Variants in ABCB11 observed in about 807,000 individuals in gnomAD.
ABCB11 encodes the protein ATP binding cassette subfamily B member 11.
Under a neutral mutation model 148.0 loss-of-function variants are expected in ABCB11, and 95 were observed. The ratio of observed to expected loss-of-function variants is 0.64; its 90% CI spans 0.54 to 0.76. ABCB11 has a LOEUF of 0.76. Ranked by LOEUF, ABCB11 falls within the 30% of genes least tolerant of loss-of-function variation. The pLI is 0.00. For synonymous variants in ABCB11, 591 were observed against 555.4 expected, an observed-to-expected ratio of 1.06 and a Z score of -0.90; for missense variants, 1,523 against 1,617.8, an observed-to-expected ratio of 0.94 and a Z score of 1.01.
chr2:169,024,083 C>A (rs969545161), intron 1 of ABCB11, among the ~76,000 whole-genome samples: 1 of 152,070 alleles, frequency 6.6e-6, no homozygotes, highest in Non-Finnish European at 1.5e-5. Context: ...AAATAGCTAA[C>A]GCATGCCGGG....
chr2:169,006,545 T>C (rs1167744702), intron 5 of ABCB11, among the ~76,000 whole-genome samples: 1 of 149,750 alleles, frequency 6.7e-6, no homozygotes, highest in African/African-American at 2.5e-5. Context: ...GCCAAAACAA[T>C]TAGGCAATAA....
intron 9 of ABCB11, 21 bp from the exon 10 acceptor site, chr2:168,986,305 A>G (rs1191339105): frequency 6.2e-7 from 1 of 1,605,690 alleles, no homozygotes; most frequent in African/African-American, 1.3e-5. Flanking sequence ...AAAATGCTTG[A>G]GTCAATTTCG....
chr2:168,931,326 T>G (rs549482337), intron 24 of ABCB11, among the ~76,000 whole-genome samples: 1 of 152,320 alleles, frequency 6.6e-6, no homozygotes, highest in South Asian at 2.1e-4. Flanking sequence ...TGCTTAAAAC[T>G]CTAACTTATA....
Position 169,013,452 on chromosome 2 carries a change from A to C in ABCB11, c.209T>G (p.Phe70Cys). 1 of 1,613,754 alleles carries C rather than the reference A, an allele frequency of 6.2e-7. No individual in the cohort carries two copies. Among genetic ancestry groups the C allele is most frequent in the South Asian group, 1.1e-5 (1 of 91,050 alleles). Reference sequence around the variant, plus strand: ...GCCTGGCTGGGCTATTCCATGGAGAAATGCACACAAACTTCCCACAAACAT... The same window carrying C: ...GCCTGGCTGGGCTATTCCATGGAGACATGCACACAAACTTCCCACAAACAT... ...WLMFVGSLCA[F>C]LHGIAQPGVL... Residue 70 changes from phenylalanine (F) to cysteine (C), a missense_variant, in exon 5 of 28, where the codon TTT (phenylalanine) becomes TGT (cysteine). Coordinates refer to ENST00000650372, the MANE Select transcript of ABCB11 (RefSeq NM_003742.4).
intron 1 of ABCB11, among the ~76,000 whole-genome samples, chr2:169,029,542 G>C (rs1695798342): frequency 6.6e-6 from 1 of 152,038 alleles, no homozygotes; most frequent in Non-Finnish European, 1.5e-5. Flanking sequence ...TTCCAGCCCT[G>C]AGGGCTATGG....
At chr2:168,985,862 G>C (rs991234390) in intron 10 of ABCB11, among the ~76,000 whole-genome samples, 1 of 151,628 alleles carries the variant, frequency 6.6e-6, no homozygotes, top group Non-Finnish European at 1.5e-5. Context: ...TTGGGTGATG[G>C]GTGCACCAAA....
intron 5 of ABCB11, among the ~76,000 whole-genome samples, chr2:169,010,061 C>T (rs1385349513): frequency 6.6e-6 from 1 of 152,082 alleles, no homozygotes; most frequent in Non-Finnish European, 1.5e-5. Flanking sequence ...AATCAGCCTC[C>T]AAAAAGCCCC....
At chr2:168,933,901 A>G (rs1264656172) in intron 23 of ABCB11, among the ~76,000 whole-genome samples, 1 of 152,110 alleles carries the variant, frequency 6.6e-6, no homozygotes, top group African/African-American at 2.4e-5. Context: ...ACAGGCACAC[A>G]TCACCATACC....
Position 168,976,586 on chromosome 2 carries a change from TG to T in ABCB11, c.1298del (p.Pro433GlnfsTer3). 1 of 1,586,428 alleles carries T rather than the reference TG, an allele frequency of 6.3e-7. No individual in the cohort carries two copies. Among genetic ancestry groups the T allele is most frequent in the Non-Finnish European group, 8.6e-7 (1 of 1,158,472 alleles). ...HNVTFHYPSR[P>X]EVKILNDLNM... ...ACAGACCAGCACTCACCTTCACCTC[TG>T]GTCTGGAAGGATAATGGAAGGTCAC... On this transcript the variant is annotated frameshift_variant, in exon 12 of 28. Coordinates refer to ENST00000650372, the MANE Select transcript of ABCB11 (RefSeq NM_003742.4). LOFTEE classifies it high-confidence loss of function.
chr2:169,014,822 T>C (rs6761690), intron 3 of ABCB11, among the ~76,000 whole-genome samples: 71,573 of 151,914 alleles, frequency 0.47, 17,666 homozygotes, highest in South Asian at 0.57. Context: ...ACACTTTTCA[T>C]AGAATCATAT....
At position 168,935,265 on chromosome 2, in the gene ABCB11, A is replaced by G. The variant is rs998321697; in HGVS notation, c.2975T>C (p.Met992Thr). Residue 992 changes from methionine (M) to threonine (T), a missense_variant, in exon 23 of 28, where the codon ATG (methionine) becomes ACG (threonine). Transcript: ENST00000650372. ...GFCFAFAQCI[M>T]FIANSASYRY... Reference sequence around the variant, plus strand: ...GTAGGAAGCAGAATTCGCAATAAACATGATGCACTGGGCAAAGGCAAAGCA... The same window carrying G: ...GTAGGAAGCAGAATTCGCAATAAACGTGATGCACTGGGCAAAGGCAAAGCA... 12 of 1,613,884 alleles carry G rather than the reference A, an allele frequency of 7.4e-6. No individual in the cohort carries two copies. The highest frequency in any genetic ancestry group is 9.3e-6 in the Non-Finnish European group (11 of 1,179,900).
At chr2:168,961,424 A>G (rs1278823022) in intron 18 of ABCB11, among the ~76,000 whole-genome samples, 1 of 151,730 alleles carries the variant, frequency 6.6e-6, no homozygotes, top group African/African-American at 2.4e-5. Context: ...ACTAATACTG[A>G]TAGCCATTTT....
chr2:168,964,179 C>A (rs768223837), intron 18 of ABCB11, 27 bp downstream of exon 18: 1 of 1,490,920 alleles, frequency 6.7e-7, no homozygotes, highest in Admixed American at 2.0e-5. Context: ...TTCTTCCATT[C>A]CCCCCCATAA....
In ABCB11 at chr2:168,920,892, C is replaced by A. The variant is rs1462218074; in HGVS notation, c.*2730G>T. ...CAATTTCAAGCCCTCTTTAGACAAT[C>A]TTTTCCCTGTCATCAATAACTTTCA... On this transcript the variant is annotated 3_prime_UTR_variant, in exon 28 of 28. Coordinates refer to ENST00000650372, the MANE Select transcript of ABCB11 (RefSeq NM_003742.4). 6.6e-6 allele frequency among the ~76,000 whole-genome samples: 1 copy of A among 152,216 alleles called. No individual in the cohort carries two copies. The highest frequency in any genetic ancestry group is 1.5e-5 in the Non-Finnish European group (1 of 68,034).
At chr2:169,010,791 G>A (rs2106042202) in intron 5 of ABCB11, among the ~76,000 whole-genome samples, 1 of 151,902 alleles carries the variant, frequency 6.6e-6, no homozygotes, top group South Asian at 2.1e-4. Context: ...TCATGTCAAT[G>A]ATCACAATAA....
intron 18 of ABCB11, 27 bp downstream of exon 18, chr2:168,964,179 C>T (rs768223837): frequency 3.0e-5 from 44 of 1,490,800 alleles, no homozygotes; most frequent in Admixed American, 2.6e-4. Context: ...TTCTTCCATT[C>T]CCCCCCATAA....
intron 19 of ABCB11, among the ~76,000 whole-genome samples, chr2:168,956,312 G>T (rs1190953361): frequency 6.6e-6 from 1 of 151,698 alleles, no homozygotes; most frequent in Non-Finnish European, 1.5e-5. Context: ...CATGAGATTT[G>T]GGTGGGGACA....
Position 168,944,882 on chromosome 2 carries a change from A to G in ABCB11, c.2423T>C (p.Val808Ala), listed in dbSNP as rs770066051. 1 of 1,584,304 alleles carries G rather than the reference A, an allele frequency of 6.3e-7. No homozygotes were observed. Among genetic ancestry groups the G allele is most frequent in the East Asian group, 2.3e-5 (1 of 43,364 alleles). The change falls in exon 20 of 28, where the codon GTA (valine) becomes GCA (alanine). Residue 808 changes from valine to alanine, a missense_variant. Coordinates refer to ENST00000650372, the MANE Select transcript of ABCB11 (RefSeq NM_003742.4). ...VCLLFVAMGC[V>A]SLFTQFLQGY... ...CTGTAGAAATTGGGTGAAAAGAGAT[A>G]CACAGCCCATTGCTACAAAAAGTAG...
rs777119489 is a variant in ABCB11 at position 168,995,477 on chromosome 2, G to C, written c.483C>G (p.Cys161Trp). Residue 161 changes from cysteine (C) to tryptophan (W), a missense_variant, in exon 7 of 28, where the codon TGC (cysteine) becomes TGG (tryptophan). Coordinates refer to ENST00000650372, the MANE Select transcript of ABCB11 (RefSeq NM_003742.4). ...GACGAGCTGCGGCAATGACCCAAAAGCATATCTGGAAATGGACAAAGGAAT... is the reference window on the plus strand; with the variant it reads ...GACGAGCTGCGGCAATGACCCAAAACCATATCTGGAAATGGACAAAGGAAT... ...AVLITGYIQI[C>W]FWVIAAARQI... 6.2e-7 allele frequency: 1 copy of C among 1,609,740 alleles called. No homozygotes were observed. The highest frequency in any genetic ancestry group is 1.3e-5 in the African/African-American group (1 of 74,802).
Sources: gnomAD v4.1 joint callset for allele counts (sites outside exome capture counted in the v4.1 genomes callset) on GRCh38, gnomAD v4.1.1 for gene constraint, MANE v1.5 for transcripts, NCBI Gene and HGNC (gene_info 2026-07-23, HGNC 2026-07-21) for gene names.